Variants in FBXL17 observed in about 807,000 individuals in gnomAD.
FBXL17 encodes F-box/LRR-repeat protein 17.
A neutral mutation model predicts 66.2 loss-of-function variants in FBXL17; 22 were observed. The ratio of observed to expected loss-of-function variants is 0.33; its 90% CI spans 0.24 to 0.47. FBXL17 has a LOEUF of 0.47. Among genes scored for constraint, FBXL17 ranks in the 20% least tolerant of loss-of-function variants. The pLI is 1.00. For synonymous variants in FBXL17, 474 were observed against 400.5 expected (o/e 1.18, Z -2.19); for missense variants, 878 against 948.2 (o/e 0.93, Z 0.97).
intron 6 of FBXL17, among the ~76,000 whole-genome samples, chr5:108,071,092 T>G (rs1748312688): frequency 6.6e-6 from 1 of 152,230 alleles, no homozygotes; most frequent in Non-Finnish European, 1.5e-5. Context: ...AAGAACAATT[T>G]GTGACAACAG....
chr5:108,072,888 C>T (rs910601726), intron 6 of FBXL17, among the ~76,000 whole-genome samples: 1 of 152,092 alleles, frequency 6.6e-6, no homozygotes, highest in African/African-American at 2.4e-5. Flanking sequence ...AGAAAGATGT[C>T]CTATAGTTAC....
At position 108,328,497 on chromosome 5, in the gene FBXL17, GA is replaced by G. The variant is rs1192435857; in HGVS notation, c.1506+19901del. Reference sequence around the variant, plus strand: ...AATTTATGGCTATTGTTTGTGATGGGAAAAAATGAAAAGAGCCATAGTACCC... The same window carrying G: ...AATTTATGGCTATTGTTTGTGATGGGAAAAATGAAAAGAGCCATAGTACCC... On this transcript the variant is annotated intron_variant, in intron 4 of 8. Coordinates refer to ENST00000542267, the MANE Select transcript of FBXL17 (RefSeq NM_001163315.3). Among the ~76,000 whole-genome samples, 3 of 151,846 alleles carry G rather than the reference GA, an allele frequency of 2.0e-5. No individual in the cohort carries two copies. In the East Asian group the frequency reaches 5.8e-4, roughly 29 times the overall value.
intron 5 of FBXL17, among the ~76,000 whole-genome samples, chr5:108,223,184 C>A (rs1754946853): frequency 6.6e-6 from 1 of 152,096 alleles, no homozygotes; most frequent in Non-Finnish European, 1.5e-5. Context: ...TCCTAGGTAA[C>A]TCATAAACAT....
chr5:108,197,205 T>A (rs957272667), intron 5 of FBXL17, among the ~76,000 whole-genome samples: 1 of 152,206 alleles, frequency 6.6e-6, no homozygotes, highest in African/African-American at 2.4e-5. Flanking sequence ...GCCTTGTCAC[T>A]TTTTTACCCA....
chr5:107,965,503 A>G (rs956701369), intron 7 of FBXL17, among the ~76,000 whole-genome samples: 1 of 152,154 alleles, frequency 6.6e-6, no homozygotes, highest in Non-Finnish European at 1.5e-5. Context: ...GGCTGGTGAG[A>G]TATCTCTATA....
intron 7 of FBXL17, among the ~76,000 whole-genome samples, chr5:107,914,765 C>T (rs756674353): frequency 9.2e-5 from 14 of 152,102 alleles, no homozygotes; most frequent in Non-Finnish European, 1.5e-4. Context: ...GGAAAGTCTG[C>T]CTGAGAATAA....
chr5:107,875,731 T>A (rs1477277301), intron 8 of FBXL17, among the ~76,000 whole-genome samples: 1 of 152,232 alleles, frequency 6.6e-6, no homozygotes, highest in Non-Finnish European at 1.5e-5. Context: ...AATCACTATT[T>A]CACTCCTCAA....
intron 7 of FBXL17, among the ~76,000 whole-genome samples, chr5:107,888,595 T>TTA (rs1251349573): frequency 6.6e-6 from 1 of 152,198 alleles, no homozygotes; most frequent in Non-Finnish European, 1.5e-5. Context: ...GTTTTGAACT[T>TTA]TATATAGAGT....
chr5:108,200,379 G>C (rs115454225), intron 5 of FBXL17, among the ~76,000 whole-genome samples: 1 of 151,976 alleles, frequency 6.6e-6, no homozygotes, highest in African/African-American at 2.4e-5. Context: ...AGGAGGAAGG[G>C]GGGCACAGGT....
chr5:108,248,457 G>A (rs778632904), intron 4 of FBXL17, among the ~76,000 whole-genome samples: 1 of 152,068 alleles, frequency 6.6e-6, no homozygotes, highest in Non-Finnish European at 1.5e-5. Flanking sequence ...AGACACCTAC[G>A]TGACTATGAC....
intron 6 of FBXL17, among the ~76,000 whole-genome samples, chr5:108,076,101 G>C (rs1748535111): frequency 6.6e-6 from 1 of 152,196 alleles, no homozygotes; most frequent in Non-Finnish European, 1.5e-5. Context: ...TAGTGAGACA[G>C]GTTTATACTA....
At chr5:108,171,989 C>T (rs1028245090) in intron 6 of FBXL17, among the ~76,000 whole-genome samples, 2 of 152,190 alleles carry the variant, frequency 1.3e-5, no homozygotes, top group Non-Finnish European at 2.9e-5. Context: ...CTTGCTCCTC[C>T]TTGCCTTCCG....
intron 7 of FBXL17, among the ~76,000 whole-genome samples, chr5:107,954,146 A>G (rs1329872753): frequency 1.3e-5 from 2 of 152,258 alleles, no homozygotes; most frequent in Non-Finnish European, 2.9e-5. Flanking sequence ...AAAACCATAG[A>G]AACTGAGTTC....
chr5:108,055,319 A>C (rs1747657130), intron 6 of FBXL17, among the ~76,000 whole-genome samples: 1 of 104,730 alleles, frequency 9.5e-6, no homozygotes, highest in Non-Finnish European at 1.8e-5. Context: ...AAAAAGAAAA[A>C]CGCTTCAGGC....
At chr5:107,936,898 T>A (rs1002938161) in intron 7 of FBXL17, among the ~76,000 whole-genome samples, 2 of 152,234 alleles carry the variant, frequency 1.3e-5, no homozygotes, top group African/African-American at 2.4e-5. Flanking sequence ...CATAAACTTG[T>A]CTTTCACACT....
chr5:108,164,104 G>A (rs1377679923), intron 6 of FBXL17, among the ~76,000 whole-genome samples: 1 of 152,196 alleles, frequency 6.6e-6, no homozygotes, highest in Non-Finnish European at 1.5e-5. Flanking sequence ...AGATGCCTTA[G>A]TAATCAAAAT....
chr5:108,366,589 G>A (rs982415554), intron 2 of FBXL17, among the ~76,000 whole-genome samples: 1 of 151,320 alleles, frequency 6.6e-6, no homozygotes, highest in African/African-American at 2.4e-5. Flanking sequence ...TTGGGTGGGG[G>A]AGGAAGCTAT....
intron 7 of FBXL17, among the ~76,000 whole-genome samples, chr5:107,962,364 C>A (rs1036195942): frequency 3.3e-5 from 5 of 152,010 alleles, no homozygotes; most frequent in Non-Finnish European, 7.4e-5. Context: ...TCACTGTGAC[C>A]ATAACATTCT....
rs192491063 is a variant in FBXL17 at position 108,270,792 on chromosome 5, A to C, written c.1507-46564T>G. 6.2e-4 allele frequency among the ~76,000 whole-genome samples: 95 copies of C among 152,246 alleles called. 1 individual carries two copies. In the East Asian group the frequency reaches 0.01, roughly 16 times the overall value. Reference sequence around the variant, plus strand: ...ACAGTTATGTTAACAGTTTTAAATTATTATGTTGAAATAATTGAAGAGTTG... The same window carrying C: ...ACAGTTATGTTAACAGTTTTAAATTCTTATGTTGAAATAATTGAAGAGTTG... On this transcript the variant is annotated intron_variant, in intron 4 of 8. Coordinates refer to ENST00000542267, the MANE Select transcript of FBXL17 (RefSeq NM_001163315.3).
Sources: allele counts gnomAD v4.1 joint callset (sites outside exome capture counted in the v4.1 genomes callset), GRCh38; gene constraint gnomAD v4.1.1; transcripts MANE v1.5; gene names NCBI Gene and HGNC (gene_info 2026-07-23, HGNC 2026-07-21).